The following GLYR1 variants were observed in gnomAD, a reference collection of about 807,000 sequenced individuals.
The protein encoded by GLYR1 is cytokine-like nuclear factor N-PAC.
In GLYR1, 21 loss-of-function variants were observed where a neutral mutation model predicts 72.7. The observed-to-expected ratio is 0.29, with a 90% confidence interval of 0.20 to 0.42. GLYR1 has a LOEUF of 0.42. GLYR1 is among the 10% of genes least tolerant of loss of function. The pLI is 1.00. For missense variants in GLYR1, 594 were observed against 712.1 expected (o/e 0.83, Z 1.89); for synonymous variants, 392 against 270.2 (o/e 1.45, Z -4.42).
chr16:4,837,995 G>C (rs1180282709), intron 3 of GLYR1, among the ~76,000 whole-genome samples: 2 of 151,226 alleles, frequency 1.3e-5, no homozygotes, highest in Non-Finnish European at 3.0e-5. Context: ...AAAAATACAG[G>C]TGAGAACAAA....
intron 9 of GLYR1, chr16:4,817,999 G>GC (rs1393154945): frequency 1.5e-4 from 38 of 254,876 alleles, no homozygotes; most frequent in Admixed American, 7.3e-4. Context: ...TCCCCTTGCT[G>GC]CCCTTTTTTT....
intron 7 of GLYR1, 89 bp downstream of exon 7, chr16:4,822,781 GCCTAA>G: frequency 9.5e-7 from 1 of 1,049,168 alleles, no homozygotes; most frequent in Non-Finnish European, 1.5e-6. Flanking sequence ...CACCGGCAGA[GCCTAA>G]CTTTTCAGAT....
intron 3 of GLYR1, chr16:4,839,932 C>G (rs1038259527): frequency 1.3e-5 from 2 of 152,218 alleles, no homozygotes; most frequent in Admixed American, 6.5e-5. Flanking sequence ...GGACACTCCA[C>G]TGGGTCAGAC....
chr16:4,842,174 G>A (rs1596412433), intron 3 of GLYR1, among the ~76,000 whole-genome samples: 2 of 151,838 alleles, frequency 1.3e-5, no homozygotes, highest in Admixed American at 1.3e-4. Context: ...AACCCGGGAG[G>A]TGGAGCTTGT....
At chr16:4,835,770 G>A (rs2085090859) in intron 3 of GLYR1, among the ~76,000 whole-genome samples, 1 of 152,216 alleles carries the variant, frequency 6.6e-6, no homozygotes, top group African/African-American at 2.4e-5. Context: ...GGCGGAGGTT[G>A]CAGTGAGCCA....
intron 5 of GLYR1, among the ~76,000 whole-genome samples, chr16:4,830,590 T>C (rs2084732028): frequency 6.6e-6 from 1 of 152,224 alleles, no homozygotes; most frequent in African/African-American, 2.4e-5. Flanking sequence ...TTTTGAGCCT[T>C]GATCCAAGGT....
intron 3 of GLYR1, 63 bp downstream of exon 3, chr16:4,845,011 A>G: frequency 9.6e-7 from 1 of 1,039,044 alleles, no homozygotes; most frequent in Non-Finnish European, 1.5e-6. Flanking sequence ...TTTTCAAAGC[A>G]GCTCAGACTC....
At chr16:4,818,008 T>C (rs1772468417) in intron 9 of GLYR1, 1 of 277,966 alleles carries the variant, frequency 3.6e-6, no homozygotes, top group Non-Finnish European at 6.9e-6. Context: ...TGCCCTTTTT[T>C]TTTTTTTTGA....
At chr16:4,827,360 T>G (rs116180882) in intron 5 of GLYR1, among the ~76,000 whole-genome samples, 63 of 152,294 alleles carry the variant, frequency 4.1e-4, no homozygotes, top group African/African-American at 1.4e-3. Flanking sequence ...AGGCACCGAT[T>G]CCCTACCTGT....
At position 4,812,231 on chromosome 16, in the gene GLYR1, C is replaced by T. The variant is rs1361455678; in HGVS notation, c.1137G>A (p.Gly379=). 9 of 1,613,018 alleles carry T rather than the reference C, an allele frequency of 5.6e-6. No homozygotes were observed. The African/African-American group carries it at 1.1e-4, about 19-fold the overall frequency. Residue 379 remains glycine (G), a synonymous_variant, in exon 13 of 16, where the codon GGG becomes GGA. Transcript: ENST00000321919. The stretch of plus-strand genomic sequence containing the variant: ...AGACGGGGGCTTCCAGAAAGCGCCC[C>T]CCCCTGGACACAATCACCTGGAAAG... The part of the protein sequence containing the change: ...TELAQVIVSR[G]GRFLEAPVSG...
chr16:4,815,617 G>A (rs2083587363), intron 10 of GLYR1, among the ~76,000 whole-genome samples: 3 of 152,178 alleles, frequency 2.0e-5, no homozygotes, highest in Non-Finnish European at 2.9e-5. Context: ...CTCAACAAAT[G>A]TAGACAGATG....
chr16:4,821,635 G>A (rs762534890), intron 7 of GLYR1, 38 bp from the exon 8 acceptor site: 5 of 1,589,534 alleles, frequency 3.1e-6, no homozygotes, highest in Admixed American at 1.7e-5. Flanking sequence ...TTGTGCTACT[G>A]CAGGCTTAAC....
At chr16:4,809,312 C>T (rs1259028517) in intron 15 of GLYR1, among the ~76,000 whole-genome samples, 2 of 150,924 alleles carry the variant, frequency 1.3e-5, no homozygotes, top group African/African-American at 4.9e-5. Context: ...GCCTCAGCCT[C>T]CTGAGTAGCT....
intron 4 of GLYR1, 122 bp downstream of exon 4, chr16:4,832,652 A>G (rs1360370134): frequency 1.2e-5 from 14 of 1,157,232 alleles, no homozygotes; most frequent in Middle Eastern, 2.1e-4. Flanking sequence ...GAACTGAAGT[A>G]GCTTTCTCCA....
intron 5 of GLYR1, among the ~76,000 whole-genome samples, chr16:4,828,119 G>A (rs2084528190): frequency 2.0e-5 from 3 of 151,474 alleles, no homozygotes; most frequent in Admixed American, 6.6e-5. Context: ...ACCCAGGCTG[G>A]GGTGCAGTGG....
chr16:4,825,344 T>C (rs777119138), intron 5 of GLYR1, among the ~76,000 whole-genome samples: 4 of 152,050 alleles, frequency 2.6e-5, no homozygotes, highest in Non-Finnish European at 5.9e-5. Context: ...CCCTGCTGGC[T>C]TTCCCCCCCG....
chr16:4,812,987 G>C (rs1018381841), intron 12 of GLYR1, among the ~76,000 whole-genome samples: 4 of 148,198 alleles, frequency 2.7e-5, no homozygotes, highest in South Asian at 2.1e-4. Flanking sequence ...TTTTGAGACG[G>C]AGTCTTGCTC....
At position 4,811,771 on chromosome 16, in the gene GLYR1, C is replaced by A; in HGVS notation, c.1314G>T (p.Leu438=). 6.2e-7 allele frequency: 1 copy of A among 1,613,942 alleles called. No homozygotes were observed. ...AGCTCCCTTGGACCATGTTCACGAT[C>A]AGCATCATCTTGGCTGCATTGCCCA... ...GEVGNAAKMM[L]IVNMVQGSFM... is the part of the protein sequence containing the mutation. The change falls in exon 14 of 16, where the codon CTG becomes CTT. Residue 438 remains leucine, a synonymous_variant. Transcript: ENST00000321919.
At chr16:4,814,695 A>C in intron 10 of GLYR1, 48 bp from the exon 11 acceptor site, 4 of 1,406,914 alleles carry the variant, frequency 2.8e-6, no homozygotes, top group Non-Finnish European at 4.0e-6. Context: ...GTGCACAACA[A>C]ACATGCCAGC....
Sources: gnomAD v4.1 joint callset for allele counts (sites outside exome capture counted in the v4.1 genomes callset) on GRCh38, gnomAD v4.1.1 for gene constraint, MANE v1.5 for transcripts, NCBI Gene and HGNC (gene_info 2026-07-23, HGNC 2026-07-21) for gene names.